Variants in POLR3G observed in about 807,000 individuals in gnomAD.
POLR3G encodes the protein RNA polymerase III subunit G.
A neutral mutation model predicts 30.1 loss-of-function variants in POLR3G; 28 were observed. The observed-to-expected ratio is 0.93, with a 90% confidence interval of 0.69 to 1.27. The LOEUF (loss-of-function observed/expected upper bound fraction) is 1.27, where lower values mean the gene tolerates loss of function less well. Ranked by LOEUF, POLR3G falls within the 50% of genes most tolerant of loss-of-function variation. POLR3G has a pLI of 0.00. For synonymous variants in POLR3G, 79 were observed against 82.5 expected (o/e 0.96, Z 0.23); for missense variants, 254 against 264.6 (o/e 0.96, Z 0.28).
At chr5:90,474,097 G>A (rs1320543906), upstream of POLR3G, 2 of 1,575,330 alleles carry the variant, frequency 1.3e-6, no homozygotes, top group African/African-American at 1.3e-5. Flanking sequence ...TTGGCCTCTC[G>A]GTCCTGCAAG....
Position 90,484,578 on chromosome 5 carries a change from G to A in POLR3G, c.-43-947G>A, listed in dbSNP as rs141304442. Among the ~76,000 whole-genome samples, 12 of 152,342 alleles carry A rather than the reference G, an allele frequency of 7.9e-5. No individual in the cohort carries two copies. In the East Asian group the frequency reaches 2.3e-3, roughly 29 times the overall value. ...TAATGACCAGGCAAGAAACCCTGGTGAAGAGTAGAGCAGCTGTGTGAAGTA... is the reference window on the plus strand; with the variant it reads ...TAATGACCAGGCAAGAAACCCTGGTAAAGAGTAGAGCAGCTGTGTGAAGTA... On this transcript the variant is annotated intron_variant, in intron 1 of 7. Transcript: ENST00000651687.
upstream of POLR3G, chr5:90,474,170 G>C: frequency 6.2e-7 from 1 of 1,603,198 alleles, no homozygotes. Flanking sequence ...CGATCACCAC[G>C]TCCTGCTCGG....
At chr5:90,507,060 A>G (rs1752522393) in intron 7 of POLR3G, among the ~76,000 whole-genome samples, 1 of 152,208 alleles carries the variant, frequency 6.6e-6, no homozygotes, top group African/African-American at 2.4e-5. Flanking sequence ...GTGTGTTTCA[A>G]ATTCCAAAGT....
At chr5:90,484,720 A>G (rs1019509110) in intron 1 of POLR3G, among the ~76,000 whole-genome samples, 1 of 152,206 alleles carries the variant, frequency 6.6e-6, no homozygotes, top group Admixed American at 6.5e-5. Context: ...TCCAGGGGAC[A>G]TACCATTTCT....
rs1466141984 is a variant in POLR3G, at chr5:90,513,063, TAA to T, written c.*925_*926del. 3.4e-5 allele frequency: 5 copies of T among 147,088 alleles called. No individual in the cohort carries two copies. Among genetic ancestry groups the T allele is most frequent in the African/African-American group, 1.2e-4 (5 of 41,222 alleles). The allele number at this position is 147,088 out of a possible 1,614,324, so 9.1% of individuals were successfully genotyped here. On this transcript the variant is annotated 3_prime_UTR_variant, in exon 8 of 8. Transcript: ENST00000651687. ...AAATGAACTCAGGTCATTTTGAAAT[TAA>T]TATTAATATTTTTGTTGTTTAACTT... is the stretch of plus-strand genomic sequence containing the variant.
Position 90,489,966 on chromosome 5 carries a change from G to A in POLR3G, c.247+1837G>A, listed in dbSNP as rs146061558. Among the ~76,000 whole-genome samples, 610 of 152,174 alleles carry A rather than the reference G, an allele frequency of 4.0e-3. 4 individuals are homozygous for A. Among genetic ancestry groups the A allele is most frequent in the African/African-American group, 0.014 (583 of 41,520 alleles). ...TATTAAAAATACAAAAGTTAGCCAG[G>A]CATGGTGGTGCATTCCTGTAATCCC... On this transcript the variant is annotated intron_variant, in intron 3 of 7. Transcript: ENST00000651687.
chr5:90,478,566 G>GTTTTTTTTTTTT (rs1561245449), intron 1 of POLR3G, among the ~76,000 whole-genome samples: 1 of 31,044 alleles, frequency 3.2e-5, no homozygotes, highest in African/African-American at 1.2e-4. Flanking sequence ...AATCTGCGTG[G>GTTTTTTTTTTTT]TTCTTTTTTT....
intron 5 of POLR3G, among the ~76,000 whole-genome samples, chr5:90,500,601 A>AG (rs1275977381): frequency 6.6e-6 from 1 of 152,086 alleles, no homozygotes; most frequent in Non-Finnish European, 1.5e-5. Flanking sequence ...TTTGCCCTCG[A>AG]GGGGGTCAGA....
chr5:90,496,293 A>G (rs1431153791), intron 4 of POLR3G, among the ~76,000 whole-genome samples: 2 of 152,212 alleles, frequency 1.3e-5, no homozygotes, highest in Non-Finnish European at 2.9e-5. Context: ...TTACAAAAAT[A>G]GGACAGGCCA....
In POLR3G at chr5:90,512,673, A is replaced by G. The variant is rs1752794005; in HGVS notation, c.*534A>G. 1 of 152,712 alleles carries G rather than the reference A, an allele frequency of 6.5e-6. No individual in the cohort carries two copies. The highest frequency in any genetic ancestry group is 2.4e-5 in the African/African-American group (1 of 41,462). The allele number at this position is 152,712 out of a possible 1,614,324, so 9.5% of individuals were successfully genotyped here. A position where few individuals can be genotyped will look rare whatever the true frequency, so the allele number is the denominator to read the frequency against. On this transcript the variant is annotated 3_prime_UTR_variant, in exon 8 of 8. Transcript: ENST00000651687. ...TCTTACAAGTACAGAATTGTGAGAC[A>G]GAGGTTTTGTGATGGAAAACATACA...
chr5:90,492,571 A>G (rs1255083159), intron 3 of POLR3G, among the ~76,000 whole-genome samples: 2 of 152,274 alleles, frequency 1.3e-5, no homozygotes, highest in South Asian at 2.1e-4. Flanking sequence ...TGGCTGGGCC[A>G]TCCTCTCTTC....
intron 6 of POLR3G, chr5:90,502,421 G>A: frequency 1.2e-6 from 1 of 853,860 alleles, no homozygotes. Context: ...AGGGAAAAAT[G>A]TATTTTATAG....
intron 7 of POLR3G, among the ~76,000 whole-genome samples, chr5:90,510,870 A>T (rs1028420628): frequency 3.1e-5 from 2 of 65,386 alleles, no homozygotes; most frequent in African/African-American, 9.8e-5. Context: ...TCCAGATTTA[A>T]AAAAAAAAAA....
chr5:90,512,030 A>G, intron 7 of POLR3G, 23 bp from the exon 8 acceptor site: 3 of 1,472,356 alleles, frequency 2.0e-6, no homozygotes, highest in Non-Finnish European at 1.9e-6. Context: ...AACGTTTACA[A>G]AGGAATATAT....
intron 7 of POLR3G, among the ~76,000 whole-genome samples, chr5:90,510,359 CAA>C (rs1456755640): frequency 5.3e-5 from 8 of 150,624 alleles, no homozygotes; most frequent in African/African-American, 1.7e-4. Context: ...GCCTGGGTGA[CAA>C]GAGTGAGACT....
At chr5:90,496,360 AT>A in intron 4 of POLR3G, among the ~76,000 whole-genome samples, 1 of 152,374 alleles carries the variant, frequency 6.6e-6, no homozygotes, top group East Asian at 1.9e-4. Context: ...TTAATTTGTA[AT>A]ACCAGAAAGC....
At chr5:90,484,160 G>A (rs1751291659) in intron 1 of POLR3G, among the ~76,000 whole-genome samples, 1 of 152,204 alleles carries the variant, frequency 6.6e-6, no homozygotes, top group South Asian at 2.1e-4. Context: ...ACAGAACTTA[G>A]CATACATAGA....
At chr5:90,479,009 G>T (rs1375447315) in intron 1 of POLR3G, among the ~76,000 whole-genome samples, 1 of 146,798 alleles carries the variant, frequency 6.8e-6, no homozygotes, top group Non-Finnish European at 1.5e-5. Flanking sequence ...TCAAAGAAAG[G>T]GGGAAAAAAG....
chr5:90,506,506 T>G, intron 6 of POLR3G, 22 bp from the exon 7 acceptor site: 2 of 1,607,346 alleles, frequency 1.2e-6, no homozygotes, highest in Non-Finnish European at 8.5e-7. Flanking sequence ...CCATACAAAT[T>G]AATGAAACTC....
Sources: allele counts gnomAD v4.1 joint callset (sites outside exome capture counted in the v4.1 genomes callset), GRCh38; gene constraint gnomAD v4.1.1; transcripts MANE v1.5; gene names NCBI Gene and HGNC (gene_info 2026-07-23, HGNC 2026-07-21).